Variants in IL1RAPL1 observed in about 807,000 individuals in gnomAD.
The protein encoded by IL1RAPL1 is interleukin-1 receptor accessory protein-like 1.
IL1RAPL1 carries 3 observed loss-of-function variants against 48.4 expected under a neutral mutation model. The ratio of observed to expected loss-of-function variants is 0.06; its 90% CI spans 0.03 to 0.16. The LOEUF is 0.16. Among genes scored for constraint, IL1RAPL1 ranks in the 10% least tolerant of loss-of-function variants. The pLI, the probability that IL1RAPL1 is intolerant of heterozygous loss-of-function variation, is 1.00. For synonymous variants in IL1RAPL1, 185 were observed against 187.7 expected (o/e 0.99, Z 0.12); for missense variants, 349 against 530.6 (o/e 0.66, Z 3.36).
At chrX:29,043,223 T>C (rs1040911454) in intron 2 of IL1RAPL1, among the ~76,000 whole-genome samples, 1 of 111,595 alleles carries the variant, frequency 9.0e-6, no homozygotes, top group African/African-American at 3.3e-5. Context: ...GTACCTTATA[T>C]TGGCTTCAGA....
At chrX:29,319,067 A>T (rs1602167968) in intron 3 of IL1RAPL1, among the ~76,000 whole-genome samples, 1 of 111,140 alleles carries the variant, frequency 9.0e-6, no homozygotes, top group Non-Finnish European at 1.9e-5. Context: ...CATATGGCAC[A>T]TATGTATATT....
chrX:29,953,009 A>G (rs1401813447), intron 9 of IL1RAPL1, among the ~76,000 whole-genome samples: 1 of 112,071 alleles, frequency 8.9e-6, no homozygotes, highest in Non-Finnish European at 1.9e-5. Context: ...ATTAACACAC[A>G]TGTATATATC....
intron 1 of IL1RAPL1, among the ~76,000 whole-genome samples, chrX:28,637,821 T>C (rs928449811): frequency 8.9e-6 from 1 of 112,375 alleles, no homozygotes; most frequent in Non-Finnish European, 1.9e-5. Flanking sequence ...ACCACTAGCT[T>C]GTGAAAACAT....
intron 6 of IL1RAPL1, among the ~76,000 whole-genome samples, chrX:29,682,522 A>G (rs967363034): frequency 6.3e-5 from 7 of 111,168 alleles, no homozygotes; most frequent in South Asian, 3.8e-4. Flanking sequence ...CCACCTCTCA[A>G]TTGCTAGCAA....
At chrX:29,130,138 A>G (rs1928990422) in intron 2 of IL1RAPL1, among the ~76,000 whole-genome samples, 1 of 111,659 alleles carries the variant, frequency 9.0e-6, no homozygotes, top group African/African-American at 3.3e-5. Flanking sequence ...CTTTTCTACA[A>G]GCTCTTGTGT....
chrX:28,879,356 A>C (rs886284422), intron 2 of IL1RAPL1, among the ~76,000 whole-genome samples: 2 of 111,577 alleles, frequency 1.8e-5, no homozygotes, highest in African/African-American at 6.5e-5. Flanking sequence ...GAGGAATGCA[A>C]AATGAGTCAT....
chrX:28,710,646 A>G (rs896038223), intron 1 of IL1RAPL1, among the ~76,000 whole-genome samples: 1 of 111,622 alleles, frequency 9.0e-6, no homozygotes, highest in Non-Finnish European at 1.9e-5. Flanking sequence ...TGAACCTCAT[A>G]TATAATTTTA....
At chrX:29,001,736 T>G (rs1161568602) in intron 2 of IL1RAPL1, among the ~76,000 whole-genome samples, 1 of 111,207 alleles carries the variant, frequency 9.0e-6, no homozygotes, top group Admixed American at 9.6e-5. Context: ...ATGAGCAAAT[T>G]TATTCAAAGT....
chrX:28,794,442 G>A (rs1936587533), intron 2 of IL1RAPL1, among the ~76,000 whole-genome samples: 2 of 111,903 alleles, frequency 1.8e-5, no homozygotes, highest in Admixed American at 1.9e-4. Flanking sequence ...GGATAAATAA[G>A]CAAGTGACTT....
chrX:29,811,133 A>AG lies in IL1RAPL1; in HGVS notation c.779-106325dup, dbSNP rs375082023. Among the ~76,000 whole-genome samples the AG allele has an allele frequency of 3.7e-3, 405 of 110,428 alleles. 2 individuals are homozygous for AG. The highest frequency in any genetic ancestry group is 0.013 in the African/African-American group (382 of 30,412). On this transcript the variant is annotated intron_variant, in intron 6 of 10. Coordinates refer to ENST00000378993, the MANE Select transcript of IL1RAPL1 (RefSeq NM_014271.4). ...ACAGTCTAACGTATAGTGACAAAAG[A>AG]GGGGGGTCAGTGATTCTCCTGTTAT...
intron 5 of IL1RAPL1, among the ~76,000 whole-genome samples, chrX:29,456,375 G>C (rs1934738813): frequency 9.0e-6 from 1 of 111,701 alleles, no homozygotes; most frequent in Non-Finnish European, 1.9e-5. Flanking sequence ...ATGGCTAACT[G>C]TTATAAAACT....
At chrX:28,925,589 A>G (rs1275371029) in intron 2 of IL1RAPL1, among the ~76,000 whole-genome samples, 1 of 112,059 alleles carries the variant, frequency 8.9e-6, no homozygotes, top group Non-Finnish European at 1.9e-5. Flanking sequence ...CCTGTACAGT[A>G]ATTATCAAGC....
chrX:29,852,041 T>A (rs1931380269), intron 6 of IL1RAPL1, among the ~76,000 whole-genome samples: 1 of 112,537 alleles, frequency 8.9e-6, no homozygotes, highest in Admixed American at 9.4e-5. Context: ...CTCTTGGAAA[T>A]TTTCCCATAG....
chrX:29,681,544 T>A (rs1335222248), intron 6 of IL1RAPL1, among the ~76,000 whole-genome samples: 1 of 112,201 alleles, frequency 8.9e-6, no homozygotes, highest in Admixed American at 9.5e-5. Flanking sequence ...CTTGTTAAGT[T>A]AACAAAAGTA....
intron 2 of IL1RAPL1, among the ~76,000 whole-genome samples, chrX:28,847,379 T>G (rs1026700352): frequency 3.6e-5 from 4 of 111,287 alleles, no homozygotes; most frequent in Admixed American, 9.6e-5. Context: ...TTTAACTGTT[T>G]TATTCTGAAT....
At chrX:29,125,954 A>G (rs774563352) in intron 2 of IL1RAPL1, among the ~76,000 whole-genome samples, 2 of 109,924 alleles carry the variant, frequency 1.8e-5, no homozygotes, top group East Asian at 2.8e-4. Context: ...AAGTCACAAC[A>G]TAACCTTTTA....
At chrX:28,810,024 T>G (rs1440922796) in intron 2 of IL1RAPL1, among the ~76,000 whole-genome samples, 5 of 109,165 alleles carry the variant, frequency 4.6e-5, no homozygotes, top group Non-Finnish European at 9.6e-5. Flanking sequence ...TATGAGTAAC[T>G]GTATTGATGG....
At chrX:28,734,475 C>T (rs978165809) in intron 1 of IL1RAPL1, among the ~76,000 whole-genome samples, 3 of 110,407 alleles carry the variant, frequency 2.7e-5, no homozygotes, top group African/African-American at 9.9e-5. Context: ...TTTGCTGTTC[C>T]CTCTGCCTAA....
At chrX:29,193,711 G>T (rs999126013) in intron 2 of IL1RAPL1, among the ~76,000 whole-genome samples, 4 of 110,644 alleles carry the variant, frequency 3.6e-5, no homozygotes, top group Non-Finnish European at 1.9e-5. Flanking sequence ...TTGTCATAGT[G>T]GTTCCACAAA....
Sources: allele counts gnomAD v4.1 joint callset (sites outside exome capture counted in the v4.1 genomes callset), GRCh38; gene constraint gnomAD v4.1.1; transcripts MANE v1.5; gene names NCBI Gene and HGNC (gene_info 2026-07-23, HGNC 2026-07-21).